The following NEDD4L variants were observed in gnomAD, a reference collection of about 807,000 sequenced individuals.
The protein encoded by NEDD4L is NEDD4 like E3 ubiquitin protein ligase.
A neutral mutation model predicts 148.9 loss-of-function variants in NEDD4L; 54 were observed. The observed-to-expected ratio is 0.36, with a 90% CI of 0.29 to 0.45. The LOEUF (loss-of-function observed/expected upper bound fraction) is 0.45, where lower values mean the gene tolerates loss of function less well. NEDD4L is among the 20% of genes least tolerant of loss of function. The probability of loss-of-function intolerance (pLI) is 1.00; values close to 1 mark genes in which losing one functional copy is unlikely to be tolerated. For missense variants in NEDD4L, 856 were observed against 1,233.8 expected, an observed-to-expected ratio of 0.69 and a Z score of 4.59; for synonymous variants, 433 against 440.7, an observed-to-expected ratio of 0.98 and a Z score of 0.22.
At chr18:58,365,614 G>C (rs950112305) in intron 20 of NEDD4L, among the ~76,000 whole-genome samples, 9 of 152,204 alleles carry the variant, frequency 5.9e-5, no homozygotes, top group African/African-American at 1.9e-4. Flanking sequence ...AACCTGGCCA[G>C]GTGGGGATTA....
rs1032445143 is a variant in NEDD4L at position 58,044,614 on chromosome 18, G to C, written c.-47G>C. On this transcript the variant is annotated 5_prime_UTR_variant, in exon 1 of 31. Transcript: ENST00000400345. The stretch of plus-strand genomic sequence containing the variant: ...GGGAGAACCGGCCGTCCGCGCCGCA[G>C]CACAGCCGCTGGGAGCGCCTCAGAC... 1 of 1,562,072 alleles carries C rather than the reference G, an allele frequency of 6.4e-7. No individual in the cohort carries two copies. The highest frequency in any genetic ancestry group is 8.7e-7 in the Non-Finnish European group (1 of 1,155,006).
At chr18:58,047,179 A>G (rs1312878891) in intron 1 of NEDD4L, 3 of 922,768 alleles carry the variant, frequency 3.3e-6, no homozygotes, top group Non-Finnish European at 3.9e-6. Context: ...ATATGGGTAC[A>G]CTTAGTTTGC....
chr18:58,279,051 T>A (rs937757987), intron 5 of NEDD4L, among the ~76,000 whole-genome samples: 4 of 151,764 alleles, frequency 2.6e-5, no homozygotes, highest in Non-Finnish European at 5.9e-5. Context: ...TTTTTTTTTT[T>A]ATTATAGTAG....
chr18:58,324,616 A>G (rs925962178), intron 8 of NEDD4L, among the ~76,000 whole-genome samples: 5 of 152,216 alleles, frequency 3.3e-5, no homozygotes, highest in African/African-American at 1.2e-4. Flanking sequence ...TGTGACGCAC[A>G]TCATTGGCAG....
In NEDD4L at chr18:58,366,204, A is replaced by T. The variant is rs1177274433; in HGVS notation, c.2039A>T (p.Tyr680Phe). ...LLSKEMFNPY[Y>F]GLFEYSATDN... ...TCCAAAGAGATGTTCAACCCCTACT[A>T]CGGCCTCTTTGAGTACTCTGCCACG... Residue 680 changes from tyrosine to phenylalanine, a missense_variant, in exon 21 of 31, where the codon TAC (tyrosine) becomes TTC (phenylalanine). Tyr to Phe is a conservative substitution (Grantham distance 22). This residue lies in a region of NEDD4L where 286 missense variants were observed against 531.8 expected (regional missense o/e 0.54). Coordinates refer to ENST00000400345, the MANE Select transcript of NEDD4L (RefSeq NM_001144967.3). The surrounding 1 kb of genome is among the most constrained non-coding windows in gnomAD (Gnocchi z 4.2). 6.2e-7 allele frequency: 1 copy of T among 1,610,488 alleles called. No individual in the cohort carries two copies. Among genetic ancestry groups the T allele is most frequent in the Non-Finnish European group, 8.5e-7 (1 of 1,178,008 alleles).
chr18:58,193,285 C>G (rs1157458255), intron 2 of NEDD4L, among the ~76,000 whole-genome samples: 1 of 152,176 alleles, frequency 6.6e-6, no homozygotes, highest in Non-Finnish European at 1.5e-5. Context: ...AAATAATATA[C>G]TGGGGTAATG....
chr18:58,366,238 T>C lies in NEDD4L; in HGVS notation c.2063+10T>C. The C allele has an allele frequency of 6.4e-7, 1 of 1,562,830 alleles. No homozygotes were observed. Among genetic ancestry groups the C allele is most frequent in the Non-Finnish European group, 8.7e-7 (1 of 1,144,178 alleles). Reference sequence around the variant, plus strand: ...TTGAGTACTCTGCCACGTAAGTATATGGCCACACCCAGTGTGTGTCCCCCA... The same window carrying C: ...TTGAGTACTCTGCCACGTAAGTATACGGCCACACCCAGTGTGTGTCCCCCA... On this transcript the variant is annotated intron_variant, in intron 21 of 30. Transcript: ENST00000400345. This position sits in a 1 kb window ranked among gnomAD's most constrained non-coding sequence, Gnocchi z 4.2.
chr18:58,325,349 G>A (rs376935161), intron 9 of NEDD4L, among the ~76,000 whole-genome samples, 187 bp downstream of exon 9: 3 of 152,234 alleles, frequency 2.0e-5, no homozygotes, highest in Admixed American at 2.0e-4. Flanking sequence ...TATATTGTAA[G>A]CGATTGCCTT....
chr18:58,187,820 C>T (rs906261568), intron 2 of NEDD4L, among the ~76,000 whole-genome samples: 5 of 152,098 alleles, frequency 3.3e-5, no homozygotes, highest in African/African-American at 1.2e-4. Context: ...CACCGCCCCC[C>T]ACCCCCATGT....
chr18:58,267,746 C>G (rs1000939478), intron 5 of NEDD4L, among the ~76,000 whole-genome samples: 23 of 152,154 alleles, frequency 1.5e-4, no homozygotes, highest in African/African-American at 5.3e-4. Context: ...TATATTTTTG[C>G]ACTTTTGCAC....
At chr18:58,066,387 G>T (rs1325472448) in intron 1 of NEDD4L, among the ~76,000 whole-genome samples, 12 of 112,128 alleles carry the variant, frequency 1.1e-4, no homozygotes, top group East Asian at 3.5e-4. Flanking sequence ...CTCTGTATTA[G>T]TTTTTTTTTT....
chr18:58,139,582 A>G (rs1341360367), intron 1 of NEDD4L, among the ~76,000 whole-genome samples: 1 of 152,214 alleles, frequency 6.6e-6, no homozygotes, highest in Non-Finnish European at 1.5e-5. Context: ...GTAAAAATTG[A>G]CAATCCCCTA....
At chr18:58,082,159 G>T (rs1281595535) in intron 1 of NEDD4L, among the ~76,000 whole-genome samples, 7 of 131,224 alleles carry the variant, frequency 5.3e-5, no homozygotes, top group African/African-American at 2.1e-4. Flanking sequence ...CCAGACTGGA[G>T]TGCAATGGCA....
chr18:58,347,221 C>CCCCCCCCCCCCCCCCCCCCCCCCA (rs2043207718), intron 16 of NEDD4L, among the ~76,000 whole-genome samples: 1 of 94,256 alleles, frequency 1.1e-5, no homozygotes, highest in African/African-American at 4.1e-5. Flanking sequence ...CCCGCCCCCC[C>CCCCCCCCCCCCCCCCCCCCCCCCA]CCCCCCTTTA....
chr18:58,199,439 G>A (rs2041141825), intron 2 of NEDD4L, among the ~76,000 whole-genome samples: 1 of 152,034 alleles, frequency 6.6e-6, no homozygotes, highest in African/African-American at 2.4e-5. Flanking sequence ...GCACAGGATG[G>A]CACCTGACAC....
At chr18:58,376,934 C>A (rs910068721) in intron 24 of NEDD4L, among the ~76,000 whole-genome samples, 1 of 152,222 alleles carries the variant, frequency 6.6e-6, no homozygotes, top group African/African-American at 2.4e-5. Flanking sequence ...ATACTCCCTC[C>A]CAGTCTCAGT....
chr18:58,054,396 A>C (rs2082006279), intron 1 of NEDD4L, among the ~76,000 whole-genome samples: 1 of 152,096 alleles, frequency 6.6e-6, no homozygotes, highest in South Asian at 2.1e-4. Context: ...CATCTTGCCC[A>C]GTTTGTTTTG....
intron 18 of NEDD4L, among the ~76,000 whole-genome samples, chr18:58,355,546 T>TA (rs771718605): frequency 5.3e-5 from 8 of 152,244 alleles, no homozygotes; most frequent in Non-Finnish European, 1.0e-4. Flanking sequence ...TATCCATTGA[T>TA]ACGGTTATAA....
intron 2 of NEDD4L, among the ~76,000 whole-genome samples, chr18:58,240,241 A>C (rs2046474736): frequency 6.6e-6 from 1 of 151,718 alleles, no homozygotes; most frequent in Non-Finnish European, 1.5e-5. Flanking sequence ...AACAGCTAGA[A>C]CCTCCCAAGT....
Sources: gnomAD v4.1 joint callset for allele counts (sites outside exome capture counted in the v4.1 genomes callset) on GRCh38, gnomAD v4.1.1 for gene constraint, gnomAD v4.1.1 regional missense constraint, Gnocchi (gnomAD v3.1) non-coding constraint, MANE v1.5 for transcripts, NCBI Gene and HGNC (gene_info 2026-07-23, HGNC 2026-07-21) for gene names.